PCDH7: variants seen among roughly 807,000 people sequenced by gnomAD.
The protein encoded by PCDH7 is protocadherin 7.
PCDH7 carries 17 observed loss-of-function variants against 58.9 expected under a neutral mutation model. The observed-to-expected ratio is 0.29, with a 90% CI of 0.20 to 0.43. The LOEUF (loss-of-function observed/expected upper bound fraction) is 0.43. Ranked by LOEUF, PCDH7 falls within the 20% of genes least tolerant of loss-of-function variation. The pLI is 1.00. For missense variants in PCDH7, 1,274 were observed against 1,441.0 expected (o/e 0.88, Z 1.88); for synonymous variants, 664 against 616.4 (o/e 1.08, Z -1.14).
At chr4:31,097,450 T>C (rs1373085497) in intron 3 of PCDH7, among the ~76,000 whole-genome samples, 3 of 136,012 alleles carry the variant, frequency 2.2e-5, no homozygotes, top group Admixed American at 7.8e-5. Flanking sequence ...TAAGACTTCG[T>C]CTAAAAAAGG....
intron 2 of PCDH7, among the ~76,000 whole-genome samples, chr4:30,949,151 A>G (rs1747063758): frequency 1.3e-5 from 2 of 152,134 alleles, no homozygotes; most frequent in Admixed American, 6.6e-5. Context: ...ATTCTCTCCT[A>G]TATTTCATTT....
intron 1 of PCDH7, among the ~76,000 whole-genome samples, chr4:30,811,443 T>C (rs970514592): frequency 4.6e-5 from 7 of 152,288 alleles, no homozygotes; most frequent in African/African-American, 1.7e-4. Context: ...CAAACAATTA[T>C]TAAGGGCTGT....
chr4:30,994,100 T>C (rs987525204), intron 3 of PCDH7, among the ~76,000 whole-genome samples: 1 of 152,236 alleles, frequency 6.6e-6, no homozygotes, highest in Non-Finnish European at 1.5e-5. Context: ...TACTAACTGC[T>C]TAGGTTGGAA....
At chr4:31,096,669 T>C (rs1415058221) in intron 3 of PCDH7, among the ~76,000 whole-genome samples, 2 of 152,164 alleles carry the variant, frequency 1.3e-5, no homozygotes, top group African/African-American at 2.4e-5. Context: ...CAAGAATAAA[T>C]TGATATATCG....
intron 1 of PCDH7, among the ~76,000 whole-genome samples, chr4:30,764,975 T>C (rs1490175456): frequency 6.6e-6 from 1 of 151,960 alleles, no homozygotes; most frequent in African/African-American, 2.4e-5. Context: ...CACCTTGGCC[T>C]CCCAAAGTGC....
chr4:31,139,490 C>A (rs1390932477), intron 3 of PCDH7, among the ~76,000 whole-genome samples: 1 of 151,754 alleles, frequency 6.6e-6, no homozygotes, highest in Non-Finnish European at 1.5e-5. Flanking sequence ...TCTATAATGC[C>A]ACAAAAAAAT....
chr4:30,788,078 C>G (rs1292031445), intron 1 of PCDH7, among the ~76,000 whole-genome samples: 1 of 152,036 alleles, frequency 6.6e-6, no homozygotes, highest in Non-Finnish European at 1.5e-5. Flanking sequence ...ATAGTGTCCT[C>G]CTTCAGGCTG....
At chr4:31,118,678 A>C (rs2109320486) in intron 3 of PCDH7, among the ~76,000 whole-genome samples, 1 of 152,326 alleles carries the variant, frequency 6.6e-6, no homozygotes, top group African/African-American at 2.4e-5. Flanking sequence ...ACAAGAGCTA[A>C]GGATAAAGTA....
At chr4:30,832,869 A>G (rs926217414) in intron 1 of PCDH7, among the ~76,000 whole-genome samples, 6 of 152,206 alleles carry the variant, frequency 3.9e-5, no homozygotes, top group African/African-American at 1.2e-4. Context: ...ATGGAGTAGT[A>G]GATTCAGTGC....
intron 1 of PCDH7, among the ~76,000 whole-genome samples, chr4:30,891,001 C>T (rs1193496691): frequency 6.6e-6 from 1 of 151,756 alleles, no homozygotes; most frequent in African/African-American, 2.4e-5. Context: ...CTAGATGCTC[C>T]ATAAATGCTT....
downstream of PCDH7, among the ~76,000 whole-genome samples, chr4:30,733,677 C>T (rs1398195153): frequency 6.6e-6 from 1 of 152,060 alleles, no homozygotes; most frequent in African/African-American, 2.4e-5. Flanking sequence ...ACAGAACAAA[C>T]TGTGAGGAAA....
At chr4:30,966,527 A>G (rs539324940) in intron 3 of PCDH7, among the ~76,000 whole-genome samples, 2 of 152,254 alleles carry the variant, frequency 1.3e-5, no homozygotes, top group Admixed American at 6.5e-5. Flanking sequence ...GCCTTTGGGT[A>G]TGAAAGTAAA....
At chr4:30,993,272 C>T (rs1417793332) in intron 3 of PCDH7, among the ~76,000 whole-genome samples, 1 of 152,162 alleles carries the variant, frequency 6.6e-6, no homozygotes, top group Non-Finnish European at 1.5e-5. Flanking sequence ...TGTGATCCCA[C>T]ATGGGTAGAT....
At chr4:30,823,306 C>T (rs1728599665) in intron 1 of PCDH7, among the ~76,000 whole-genome samples, 1 of 152,110 alleles carries the variant, frequency 6.6e-6, no homozygotes, top group Non-Finnish European at 1.5e-5. Flanking sequence ...TTTCTCATAG[C>T]TTGACATGTA....
intron 2 of PCDH7, among the ~76,000 whole-genome samples, chr4:30,937,750 G>A (rs1162460101): frequency 1.3e-5 from 2 of 151,894 alleles, no homozygotes; most frequent in African/African-American, 4.8e-5. Context: ...GCTGGAGCTA[G>A]CATTTAAAAT....
intron 3 of PCDH7, among the ~76,000 whole-genome samples, chr4:31,018,786 T>C (rs905369326): frequency 3.3e-5 from 5 of 152,186 alleles, no homozygotes; most frequent in Non-Finnish European, 7.3e-5. Context: ...ATTTTCTATT[T>C]CCTAGCAACT....
chr4:30,884,901 G>A (rs1737492796), intron 1 of PCDH7: 1 of 152,144 alleles, frequency 6.6e-6, no homozygotes, highest in Non-Finnish European at 1.5e-5. Context: ...ATCTTTAGTT[G>A]TAGGGTAGGA....
chr4:30,846,239 C>G (rs989043997), intron 1 of PCDH7, among the ~76,000 whole-genome samples: 3 of 151,976 alleles, frequency 2.0e-5, no homozygotes, highest in Admixed American at 6.6e-5. Context: ...ATAGTTGAGG[C>G]CTTTAAGAGG....
intron 3 of PCDH7, among the ~76,000 whole-genome samples, chr4:31,032,336 T>C (rs932119788): frequency 6.6e-6 from 1 of 152,116 alleles, no homozygotes. Context: ...GGCTGGACCT[T>C]GTGGCTCACG....
Sources: gnomAD v4.1 joint callset for allele counts (sites outside exome capture counted in the v4.1 genomes callset) on GRCh38, gnomAD v4.1.1 for gene constraint, MANE v1.5 for transcripts, NCBI Gene and HGNC (gene_info 2026-07-23, HGNC 2026-07-21) for gene names.